KHDRBS2: variants seen among roughly 807,000 people sequenced by gnomAD.
KHDRBS2 encodes KH domain-containing, RNA-binding, signal transduction-associated protein 2.
A neutral mutation model predicts 44.3 loss-of-function variants in KHDRBS2; 26 were observed. The observed-to-expected ratio is 0.59, with a 90% CI of 0.43 to 0.81. The LOEUF (loss-of-function observed/expected upper bound fraction) is 0.81. Among genes scored for constraint, KHDRBS2 ranks in the 40% least tolerant of loss-of-function variants. KHDRBS2 has a pLI of 0.00. For missense variants in KHDRBS2, 476 were observed against 433.1 expected (o/e 1.10, Z -0.88); for synonymous variants, 194 against 151.1 (o/e 1.28, Z -2.08).
chr6:61,704,912 G>GA, intron 7 of KHDRBS2, among the ~76,000 whole-genome samples: 1 of 151,748 alleles, frequency 6.6e-6, no homozygotes. Context: ...TAAAACGTGA[G>GA]AAAATTGACA....
intron 2 of KHDRBS2, among the ~76,000 whole-genome samples, chr6:62,146,956 A>C (rs565902230): frequency 6.6e-5 from 10 of 151,982 alleles, no homozygotes; most frequent in Non-Finnish European, 1.0e-4. Context: ...CCCACTGTAA[A>C]AGGTTATATT....
At chr6:62,172,698 GA>G (rs33984802) in intron 2 of KHDRBS2, among the ~76,000 whole-genome samples, 1,117 of 73,438 alleles carry the variant, frequency 0.015, 7 homozygotes, top group African/African-American at 0.05. Flanking sequence ...CCAGCAAACT[GA>G]AAAAAAAAAA....
chr6:62,218,841 A>T (rs747999717), intron 1 of KHDRBS2, among the ~76,000 whole-genome samples: 1 of 151,920 alleles, frequency 6.6e-6, no homozygotes, highest in African/African-American at 2.4e-5. Flanking sequence ...TTAAGCCATA[A>T]GAAAATAAAA....
intron 7 of KHDRBS2, among the ~76,000 whole-genome samples, chr6:61,713,907 A>C (rs1770947584): frequency 6.6e-6 from 1 of 151,896 alleles, no homozygotes; most frequent in Admixed American, 6.6e-5. Flanking sequence ...GATGTATTAA[A>C]GTCTTAAATG....
At chr6:61,716,726 T>C (rs1369168414) in intron 7 of KHDRBS2, among the ~76,000 whole-genome samples, 1 of 152,062 alleles carries the variant, frequency 6.6e-6, no homozygotes, top group East Asian at 1.9e-4. Flanking sequence ...TTAAATATGT[T>C]ATTCATATGT....
chr6:61,682,585 C>T (rs1582138317), intron 8 of KHDRBS2, among the ~76,000 whole-genome samples: 2 of 151,730 alleles, frequency 1.3e-5, no homozygotes, highest in African/African-American at 4.8e-5. Context: ...GCTGCTTTCA[C>T]GATACAAAGG....
At chr6:62,054,236 G>T (rs1364588716) in intron 2 of KHDRBS2, among the ~76,000 whole-genome samples, 1 of 151,972 alleles carries the variant, frequency 6.6e-6, no homozygotes, top group African/African-American at 2.4e-5. Context: ...AGAAGCAAAA[G>T]AACAAGTCAA....
intron 1 of KHDRBS2, among the ~76,000 whole-genome samples, chr6:62,233,483 G>A (rs1354913172): frequency 2.0e-5 from 3 of 152,060 alleles, no homozygotes; most frequent in African/African-American, 7.2e-5. Flanking sequence ...AACAAAAACT[G>A]GTCTTTTCAA....
chr6:61,905,195 A>G (rs1804738994), intron 4 of KHDRBS2, among the ~76,000 whole-genome samples: 2 of 152,210 alleles, frequency 1.3e-5, no homozygotes, highest in African/African-American at 2.4e-5. Context: ...AGATGGGCAA[A>G]CACAAACCAT....
intron 2 of KHDRBS2, among the ~76,000 whole-genome samples, chr6:62,075,800 G>C (rs1796214523): frequency 6.6e-6 from 1 of 151,494 alleles, no homozygotes; most frequent in African/African-American, 2.4e-5. Context: ...GTAGGTAATA[G>C]AGCCTCTGTT....
intron 4 of KHDRBS2, among the ~76,000 whole-genome samples, chr6:61,945,716 G>C (rs1813224835): frequency 6.6e-6 from 1 of 150,814 alleles, no homozygotes; most frequent in African/African-American, 2.4e-5. Context: ...AAAGTAAATA[G>C]AAATGTCTTA....
intron 2 of KHDRBS2, among the ~76,000 whole-genome samples, chr6:62,079,349 A>G (rs1796959986): frequency 6.6e-6 from 1 of 152,050 alleles, no homozygotes; most frequent in Non-Finnish European, 1.5e-5. Context: ...TCACCAGAAC[A>G]CAAGTTAGAA....
chr6:61,825,444 A>G (rs1368050624), intron 6 of KHDRBS2, among the ~76,000 whole-genome samples: 2 of 152,176 alleles, frequency 1.3e-5, no homozygotes, highest in African/African-American at 4.8e-5. Flanking sequence ...GCTCTGACAA[A>G]TAGCACGCCA....
the KHDRBS2 span, among the ~76,000 whole-genome samples, chr6:61,597,545 T>C: frequency 6.6e-6 from 1 of 151,446 alleles, no homozygotes; most frequent in Non-Finnish European, 1.5e-5. Flanking sequence ...TACTAATTCT[T>C]ATCCATTAAC....
intron 4 of KHDRBS2, among the ~76,000 whole-genome samples, chr6:61,936,568 A>G (rs536922539): frequency 2.1e-4 from 31 of 151,114 alleles, no homozygotes; most frequent in Non-Finnish European, 3.8e-4. Flanking sequence ...ACTCATCTTT[A>G]TTTTACATTC....
intron 2 of KHDRBS2, among the ~76,000 whole-genome samples, chr6:62,091,555 A>G (rs1271457061): frequency 6.6e-6 from 1 of 152,208 alleles, no homozygotes; most frequent in African/African-American, 2.4e-5. Context: ...GTTTCTTAAA[A>G]GTCCATATGA....
intron 1 of KHDRBS2, among the ~76,000 whole-genome samples, chr6:62,199,885 A>T (rs1455833417): frequency 6.6e-6 from 1 of 152,204 alleles, no homozygotes; most frequent in East Asian, 1.9e-4. Context: ...ACTAAAAAAG[A>T]GATATAGATC....
chr6:61,961,446 G>GA (rs1310254442), intron 4 of KHDRBS2, among the ~76,000 whole-genome samples: 1 of 146,952 alleles, frequency 6.8e-6, no homozygotes, highest in Non-Finnish European at 1.5e-5. Context: ...GAAAGAAAGA[G>GA]AAAAAAAGAG....
the KHDRBS2 span, among the ~76,000 whole-genome samples, chr6:61,661,706 C>T: frequency 6.6e-6 from 1 of 151,784 alleles, no homozygotes; most frequent in African/African-American, 2.4e-5. Context: ...TGAAGGACCT[C>T]TTCAAGGAGA....
Sources: allele counts gnomAD v4.1 joint callset (sites outside exome capture counted in the v4.1 genomes callset), GRCh38; gene constraint gnomAD v4.1.1; transcripts MANE v1.5; gene names NCBI Gene and HGNC (gene_info 2026-07-23, HGNC 2026-07-21).